Variants in CIMAP1D observed in about 807,000 individuals in gnomAD.
CIMAP1D encodes the protein protein CIMAP1D.
chr19:476,516 T>G, the CIMAP1D span, among the ~76,000 whole-genome samples: 1 of 152,136 alleles, frequency 6.6e-6, no homozygotes, highest in Non-Finnish European at 1.5e-5. Flanking sequence ...ACAGCTTTAT[T>G]GATATAATTC....
At chr19:480,735 GGATGATGGAGAAC>G in the CIMAP1D span, among the ~76,000 whole-genome samples, 8,518 of 112,116 alleles carry the variant, frequency 0.076, 474 homozygotes, top group African/African-American at 0.083. Flanking sequence ...ATGATGGGAA[GGATGATGGAGAAC>G]GATGATGGAG....
At chr19:466,060 G>A in the CIMAP1D span, among the ~76,000 whole-genome samples, 3 of 149,694 alleles carry the variant, frequency 2.0e-5, no homozygotes, top group African/African-American at 5.0e-5. Flanking sequence ...GTGGATGGAT[G>A]AGTAGATGGA....
At chr19:490,784 G>T in the CIMAP1D span, among the ~76,000 whole-genome samples, 2 of 151,938 alleles carry the variant, frequency 1.3e-5, no homozygotes, top group South Asian at 2.1e-4. Flanking sequence ...ACCAACATGG[G>T]GAAACCCCGT....
the CIMAP1D span, among the ~76,000 whole-genome samples, chr19:471,210 A>G: frequency 5.2e-4 from 77 of 147,038 alleles, no homozygotes; most frequent in African/African-American, 1.9e-3. Flanking sequence ...GTGCAATGGC[A>G]TGATCTCGGC....
the CIMAP1D span, among the ~76,000 whole-genome samples, chr19:490,945 A>G: frequency 6.6e-6 from 1 of 152,180 alleles, no homozygotes; most frequent in Non-Finnish European, 1.5e-5. Context: ...CTAAAAATGC[A>G]AAAGTTAGCT....
chr19:469,676 G>A, the CIMAP1D span, among the ~76,000 whole-genome samples: 1 of 151,900 alleles, frequency 6.6e-6, no homozygotes, highest in Non-Finnish European at 1.5e-5. Context: ...GGGCGATAGT[G>A]TGAGACTCAG....
chr19:472,897 T>C, the CIMAP1D span, among the ~76,000 whole-genome samples: 1 of 132,374 alleles, frequency 7.6e-6, no homozygotes, highest in Non-Finnish European at 1.6e-5. Flanking sequence ...CAGGCAGAGA[T>C]ACACGGTCAC....
chr19:480,308 G>A, the CIMAP1D span, among the ~76,000 whole-genome samples: 2 of 152,218 alleles, frequency 1.3e-5, no homozygotes, highest in Admixed American at 1.3e-4. Context: ...TGGGGACACG[G>A]GTGACGTGTG....
the CIMAP1D span, chr19:474,698 A>AG: frequency 1.5e-5 from 24 of 1,568,692 alleles, no homozygotes; most frequent in Non-Finnish European, 1.9e-5. Context: ...TCGCCGGCCA[A>AG]GGGGGGCTGT....
chr19:471,310 G>A, the CIMAP1D span, among the ~76,000 whole-genome samples: 14 of 151,280 alleles, frequency 9.3e-5, no homozygotes, highest in East Asian at 2.0e-4. Context: ...AACCACGCCC[G>A]GCTAATTTTT....
At chr19:475,042 C>T in the CIMAP1D span, 2 of 313,490 alleles carry the variant, frequency 6.4e-6, no homozygotes, top group Non-Finnish European at 1.2e-5. Context: ...GTGCGTCTCC[C>T]GGGAGCCGGC....
At chr19:464,680 C>T in the CIMAP1D span, among the ~76,000 whole-genome samples, 16 of 152,286 alleles carry the variant, frequency 1.1e-4, no homozygotes, top group Non-Finnish European at 7.4e-5. Flanking sequence ...TCTCTCCAGA[C>T]GTGAGCACAC....
the CIMAP1D span, among the ~76,000 whole-genome samples, chr19:486,643 G>C: frequency 6.6e-6 from 1 of 151,730 alleles, no homozygotes; most frequent in Non-Finnish European, 1.5e-5. Flanking sequence ...GGCCGGGAGC[G>C]GTGGCTCACG....
the CIMAP1D span, among the ~76,000 whole-genome samples, chr19:485,161 T>C: frequency 1.3e-5 from 2 of 152,102 alleles, no homozygotes; most frequent in African/African-American, 4.8e-5. Flanking sequence ...CCTGCTTAGT[T>C]GTTTATGGAG....
chr19:473,744 C>A, the CIMAP1D span, among the ~76,000 whole-genome samples: 1 of 116,404 alleles, frequency 8.6e-6, no homozygotes, highest in South Asian at 4.2e-4. Flanking sequence ...GATGGGGAGA[C>A]TGAGGCCCAG....
At chr19:480,475 TG>T in the CIMAP1D span, among the ~76,000 whole-genome samples, 1 of 137,266 alleles carries the variant, frequency 7.3e-6, no homozygotes, top group Non-Finnish European at 1.5e-5. Flanking sequence ...GGAAGGATGA[TG>T]GGGAAGGATG....
At chr19:489,782 G>A in the CIMAP1D span, 1 of 364,200 alleles carries the variant, frequency 2.7e-6, no homozygotes, top group Non-Finnish European at 4.9e-6. Context: ...CAGGGACGGA[G>A]AGCGCGCTCG....
chr19:485,923 T>C, the CIMAP1D span, among the ~76,000 whole-genome samples: 17 of 151,932 alleles, frequency 1.1e-4, 1 homozygote, highest in African/African-American at 3.9e-4. Flanking sequence ...CTGTCCTTTG[T>C]CCGGCGGCCA....
the CIMAP1D span, among the ~76,000 whole-genome samples, chr19:480,723 GGATGATGGGAAGGATGATGGAGAAC>G: frequency 1.4e-3 from 201 of 148,780 alleles, no homozygotes; most frequent in South Asian, 4.6e-3. Flanking sequence ...AATGTGGGAA[GGATGATGGGAAGGATGATGGAGAAC>G]GATGATGGAG....
Sources: allele counts gnomAD v4.1 joint callset (sites outside exome capture counted in the v4.1 genomes callset), GRCh38; gene constraint gnomAD v4.1.1; transcripts MANE v1.5; gene names NCBI Gene and HGNC (gene_info 2026-07-23, HGNC 2026-07-21).